Variants in PDE1C observed in about 807,000 individuals in gnomAD.
PDE1C encodes the protein phosphodiesterase 1C.
Under a neutral mutation model 93.1 loss-of-function variants are expected in PDE1C, and 62 were observed. The observed-to-expected ratio is 0.67, with a 90% CI of 0.54 to 0.82. PDE1C has a LOEUF of 0.82. PDE1C is among the 40% of genes least tolerant of loss of function. PDE1C has a pLI of 0.00. For missense variants in PDE1C, 742 were observed against 884.6 expected (o/e 0.84, Z 2.04); for synonymous variants, 325 against 310.1 (o/e 1.05, Z -0.50).
chr7:32,337,460 AG>A (rs1177881401), intron 1 of PDE1C, among the ~76,000 whole-genome samples: 1 of 152,242 alleles, frequency 6.6e-6, no homozygotes, highest in East Asian at 1.9e-4. Context: ...TATATTAAAA[AG>A]GTATTTACTG....
intron 1 of PDE1C, among the ~76,000 whole-genome samples, chr7:32,069,878 T>TTCAAC (rs1795821594): frequency 6.6e-6 from 1 of 152,194 alleles, no homozygotes; most frequent in Non-Finnish European, 1.5e-5. Context: ...ATTTTAACTG[T>TTCAAC]TGGTAAGTTC....
intron 2 of PDE1C, among the ~76,000 whole-genome samples, chr7:31,960,068 C>T (rs903992890): frequency 2.6e-5 from 4 of 151,814 alleles, no homozygotes; most frequent in Non-Finnish European, 5.9e-5. Flanking sequence ...CAAACCCCAT[C>T]TTTGCCATGT....
intron 1 of PDE1C, among the ~76,000 whole-genome samples, chr7:32,419,183 CAA>C (rs1785336727): frequency 6.6e-6 from 1 of 152,192 alleles, no homozygotes; most frequent in Non-Finnish European, 1.5e-5. Flanking sequence ...TTGAAATCTA[CAA>C]GCTGGGGAGA....
intron 1 of PDE1C, among the ~76,000 whole-genome samples, chr7:32,362,203 T>C (rs1784149259): frequency 1.3e-5 from 2 of 152,150 alleles, no homozygotes; most frequent in Non-Finnish European, 2.9e-5. Context: ...ATGTGTGTAA[T>C]GCCTCAGAGG....
At chr7:32,119,361 C>T (rs1799162148) in intron 3 of PDE1C, among the ~76,000 whole-genome samples, 1 of 152,158 alleles carries the variant, frequency 6.6e-6, no homozygotes, top group Non-Finnish European at 1.5e-5. Flanking sequence ...TTGGTAGCTG[C>T]CAAAGGGGTC....
chr7:32,118,994 A>G (rs2128762306), intron 3 of PDE1C, among the ~76,000 whole-genome samples: 1 of 152,272 alleles, frequency 6.6e-6, no homozygotes, highest in South Asian at 2.1e-4. Flanking sequence ...AAGCCAGATA[A>G]TGTGTGGGAG....
chr7:31,719,325 C>T, the PDE1C span, among the ~76,000 whole-genome samples: 1 of 152,140 alleles, frequency 6.6e-6, no homozygotes, highest in Non-Finnish European at 1.5e-5. Flanking sequence ...GAAAATCTGC[C>T]CCTAGCTGGG....
chr7:32,295,958 G>A (rs1034123919), intron 1 of PDE1C, among the ~76,000 whole-genome samples: 5 of 148,946 alleles, frequency 3.4e-5, no homozygotes, highest in African/African-American at 7.4e-5. Context: ...TTTTATCACT[G>A]TTTATCATGG....
upstream of PDE1C, among the ~76,000 whole-genome samples, chr7:32,075,449 G>T (rs1380754659): frequency 1.3e-5 from 2 of 152,136 alleles, no homozygotes; most frequent in Non-Finnish European, 2.9e-5. Flanking sequence ...GTCAACAGAG[G>T]CTGTTCTCTC....
chr7:32,020,265 A>G (rs1788465035), intron 2 of PDE1C, among the ~76,000 whole-genome samples: 1 of 152,138 alleles, frequency 6.6e-6, no homozygotes, highest in East Asian at 1.9e-4. Context: ...GAAAGGCTAT[A>G]TGTCAAGGAC....
chr7:31,662,047 T>C, the PDE1C span, among the ~76,000 whole-genome samples: 7 of 152,192 alleles, frequency 4.6e-5, no homozygotes, highest in Admixed American at 4.6e-4. Flanking sequence ...ATGTGACCTA[T>C]GCTACCTGTA....
At chr7:32,255,551 C>G (rs982796774) in intron 1 of PDE1C, among the ~76,000 whole-genome samples, 1 of 152,172 alleles carries the variant, frequency 6.6e-6, no homozygotes, top group African/African-American at 2.4e-5. Flanking sequence ...TCAGGAGCAA[C>G]TACGATGCAC....
intron 16 of PDE1C, among the ~76,000 whole-genome samples, chr7:31,805,821 G>A (rs1786752074): frequency 6.6e-6 from 1 of 151,830 alleles, no homozygotes; most frequent in African/African-American, 2.4e-5. Flanking sequence ...TCCTCTCTAT[G>A]CTGCCTGGAA....
intron 3 of PDE1C, among the ~76,000 whole-genome samples, chr7:32,101,427 A>G (rs990137907): frequency 2.2e-4 from 34 of 152,134 alleles, no homozygotes; most frequent in Admixed American, 1.6e-3. Context: ...ATAATCTCCA[A>G]TGTTGGAAGT....
the PDE1C span, chr7:31,642,658 C>G: frequency 6.2e-7 from 1 of 1,604,108 alleles, no homozygotes; most frequent in East Asian, 2.2e-5. Context: ...GACCTGTTTC[C>G]CTTTGTCCTG....
intron 1 of PDE1C, among the ~76,000 whole-genome samples, chr7:32,058,055 C>T (rs1437372734): frequency 6.6e-6 from 1 of 152,176 alleles, no homozygotes; most frequent in East Asian, 1.9e-4. Context: ...AAAACTTGTG[C>T]TCTGTTTCTA....
At chr7:31,812,907 T>C (rs1787727635) in intron 15 of PDE1C, among the ~76,000 whole-genome samples, 1 of 152,108 alleles carries the variant, frequency 6.6e-6, no homozygotes, top group Admixed American at 6.6e-5. Flanking sequence ...GAGTTTAACC[T>C]GAGATCTCTA....
the PDE1C span, chr7:31,696,992 G>A: frequency 1.2e-6 from 2 of 1,614,010 alleles, no homozygotes; most frequent in Non-Finnish European, 1.7e-6. Flanking sequence ...TTAATTAAAA[G>A]ATACGATGTT....
chr7:31,793,629 T>G (rs1351863357), intron 16 of PDE1C, among the ~76,000 whole-genome samples: 1 of 150,528 alleles, frequency 6.6e-6, no homozygotes, highest in Non-Finnish European at 1.5e-5. Flanking sequence ...CCAAAACCAA[T>G]TTGAAATGTC....
Sources: allele counts gnomAD v4.1 joint callset (sites outside exome capture counted in the v4.1 genomes callset), GRCh38; gene constraint gnomAD v4.1.1; transcripts MANE v1.5; gene names NCBI Gene and HGNC (gene_info 2026-07-23, HGNC 2026-07-21).